PRRC2B: variants seen among roughly 807,000 people sequenced by gnomAD.
The protein encoded by PRRC2B is protein PRRC2B.
In PRRC2B, 68 loss-of-function variants were observed where a neutral mutation model predicts 242.3. The observed-to-expected ratio is 0.28, with a 90% CI of 0.23 to 0.34. PRRC2B has a LOEUF of 0.34. Among genes scored for constraint, PRRC2B ranks in the 10% least tolerant of loss-of-function variants. The probability of loss-of-function intolerance (pLI) is 1.00; values close to 1 mark genes in which losing one functional copy is unlikely to be tolerated. For synonymous variants in PRRC2B, 1,228 were observed against 1,173.6 expected, an observed-to-expected ratio of 1.05 and a Z score of -0.95; for missense variants, 2,835 against 2,954.8, an observed-to-expected ratio of 0.96 and a Z score of 0.94.
At position 131,496,238 on chromosome 9, in the gene PRRC2B, C is replaced by A; in HGVS notation, c.*364C>A. ...CAGCAGTGCTTCCGGCCCAGCCGCC[C>A]ATCCCTAGGCACAGTGATTTGGCAG... On this transcript the variant is annotated 3_prime_UTR_variant, in exon 32 of 32. Coordinates refer to ENST00000683519, the MANE Select transcript of PRRC2B (RefSeq NM_013318.4). 4.9e-6 allele frequency: 1 copy of A among 202,130 alleles called. No individual in the cohort carries two copies. The highest frequency in any genetic ancestry group is 9.9e-6 in the Non-Finnish European group (1 of 100,950). The allele number at this position is 202,130 out of a possible 1,614,324, so 12.5% of individuals were successfully genotyped here.
intron 1 of PRRC2B, among the ~76,000 whole-genome samples, chr9:131,426,026 T>G (rs191910472): frequency 6.8e-6 from 1 of 146,398 alleles, no homozygotes; most frequent in African/African-American, 2.5e-5. Flanking sequence ...AGAAAAAAAA[T>G]CACATTTGAT....
At chr9:131,468,471 T>C (rs1443774610) in intron 13 of PRRC2B, among the ~76,000 whole-genome samples, 4 of 152,334 alleles carry the variant, frequency 2.6e-5, no homozygotes, top group South Asian at 4.1e-4. Context: ...TTTTTATAAA[T>C]TTTAAAAGGG....
chr9:131,425,231 TC>T (rs1837946820), intron 1 of PRRC2B, among the ~76,000 whole-genome samples: 2 of 152,028 alleles, frequency 1.3e-5, no homozygotes, highest in Non-Finnish European at 2.9e-5. Context: ...GGTGATCCTC[TC>T]GCCTCGGCCT....
chr9:131,448,700 C>T (rs978141673), intron 9 of PRRC2B, among the ~76,000 whole-genome samples: 28 of 151,848 alleles, frequency 1.8e-4, no homozygotes, highest in African/African-American at 5.3e-4. Context: ...GAACTACACG[C>T]GGGTGCCACA....
intron 6 of PRRC2B, among the ~76,000 whole-genome samples, chr9:131,445,086 G>A (rs1370737001): frequency 1.3e-5 from 2 of 152,104 alleles, no homozygotes; most frequent in African/African-American, 4.8e-5. Context: ...GTAAGTCAGT[G>A]ATCACTGTGG....
intron 18 of PRRC2B, 30 bp downstream of exon 18, chr9:131,478,649 G>GCCCAGGGCC: frequency 2.0e-6 from 1 of 504,558 alleles, no homozygotes; most frequent in Non-Finnish European, 4.0e-6. Context: ...GGGGCATGGG[G>GCCCAGGGCC]CTGGAGGGCA....
intron 2 of PRRC2B, among the ~76,000 whole-genome samples, chr9:131,430,553 G>GTA (rs1328000215): frequency 1.2e-4 from 10 of 84,430 alleles, no homozygotes; most frequent in African/African-American, 4.1e-4. Flanking sequence ...ATCTATAGGT[G>GTA]TGTGTGTATG....
Position 131,420,499 on chromosome 9 carries a change from T to TC in PRRC2B, c.-51-9595_-51-9594insC, listed in dbSNP as rs889470295. On this transcript the variant is annotated intron_variant, in intron 1 of 31. Coordinates refer to ENST00000683519, the MANE Select transcript of PRRC2B (RefSeq NM_013318.4). ...TTTCTTTCTTTCTTTCTTTCTTTTT[T>TC]TTTTTTTTTTTGAGATGGAGGCTCC... Among the ~76,000 whole-genome samples the TC allele has an allele frequency of 9.4e-3, 788 of 83,866 alleles. 1 individual carries two copies. Among genetic ancestry groups the TC allele is most frequent in the Middle Eastern group, 0.011 (2 of 188 alleles). 55.0% of individuals were successfully genotyped at this position (83,866 alleles called of 152,430 possible). A position where few individuals can be genotyped will look rare whatever the true frequency, so the allele number is the denominator to read the frequency against.
At chr9:131,476,937 C>T (rs779855163) in intron 16 of PRRC2B, among the ~76,000 whole-genome samples, 38 of 152,340 alleles carry the variant, frequency 2.5e-4, no homozygotes, top group Non-Finnish European at 4.3e-4. Context: ...TCGCTGGCCT[C>T]GTGGCTGCAT....
Position 131,438,346 on chromosome 9 carries a change from T to C in PRRC2B, c.397-643T>C, listed in dbSNP as rs2966345. Among the ~76,000 whole-genome samples, 121 of 152,120 alleles carry C rather than the reference T, an allele frequency of 8.0e-4. No homozygotes were observed. In the East Asian group the frequency reaches 0.016, roughly 20 times the overall value. ...TCAGTCACTCTTCTCTGAGCCTCAG[T>C]GGGGGATGTGACTAGAGCCTTCTCA... On this transcript the variant is annotated intron_variant, in intron 4 of 31. Coordinates refer to ENST00000683519, the MANE Select transcript of PRRC2B (RefSeq NM_013318.4).
chr9:131,430,394 C>A (rs1588245474), intron 2 of PRRC2B, 135 bp downstream of exon 2: 2 of 562,364 alleles, frequency 3.6e-6, no homozygotes, highest in Non-Finnish European at 3.2e-6. Context: ...TAGAATCACT[C>A]TCTACTTCCT....
chr9:131,484,225 C>T (rs1943951661), intron 23 of PRRC2B, among the ~76,000 whole-genome samples: 1 of 152,208 alleles, frequency 6.6e-6, no homozygotes, highest in African/African-American at 2.4e-5. Context: ...CTGAGGGGCA[C>T]AGCCTTCCCT....
chr9:131,459,101 CA>C (rs1257151610), intron 10 of PRRC2B, 62 bp from the exon 11 acceptor site: 23 of 1,481,370 alleles, frequency 1.6e-5, no homozygotes, highest in Non-Finnish European at 2.1e-5. Flanking sequence ...GGCCTCTGAC[CA>C]GTGAGATCAG....
At chr9:131,406,891 T>C (rs1365046602) in intron 1 of PRRC2B, among the ~76,000 whole-genome samples, 1 of 152,206 alleles carries the variant, frequency 6.6e-6, no homozygotes, top group Non-Finnish European at 1.5e-5. Context: ...GCTGTTTCTT[T>C]ATAATATCAA....
intron 1 of PRRC2B, among the ~76,000 whole-genome samples, chr9:131,394,959 G>GTTT (rs1837003711): frequency 6.8e-6 from 1 of 146,820 alleles, no homozygotes; most frequent in Non-Finnish European, 1.5e-5. Flanking sequence ...TGCCAGATGG[G>GTTT]GTTTTTTTTT....
In PRRC2B at chr9:131,414,558, G is replaced by A. The variant is rs956483632; in HGVS notation, c.-51-15536G>A. On this transcript the variant is annotated intron_variant, in intron 1 of 31. Transcript: ENST00000683519. ...CTGTTGCCCCTCTGGCCCATGGTGCGGCTACCATCTTGGGCTTTTTTTTTT... is the reference window on the plus strand; with the variant it reads ...CTGTTGCCCCTCTGGCCCATGGTGCAGCTACCATCTTGGGCTTTTTTTTTT... 6.0e-5 allele frequency among the ~76,000 whole-genome samples: 9 copies of A among 149,882 alleles called. No homozygotes were observed. In the South Asian group the frequency reaches 6.5e-4, roughly 11 times the overall value.
intron 5 of PRRC2B, among the ~76,000 whole-genome samples, chr9:131,443,145 T>A (rs1022895422): frequency 1.3e-4 from 20 of 151,376 alleles, no homozygotes; most frequent in South Asian, 2.1e-4. Flanking sequence ...TATTATTTTT[T>A]TTTTTTGAGA....
In PRRC2B at chr9:131,434,156, C is replaced by T. The variant is rs181717511; in HGVS notation, c.293+1362C>T. 4.4e-3 allele frequency among the ~76,000 whole-genome samples: 665 copies of T among 152,256 alleles called. 3 individuals are homozygous for T. The highest frequency in any genetic ancestry group is 7.3e-3 in the Non-Finnish European group (497 of 68,014). On this transcript the variant is annotated intron_variant, in intron 3 of 31. Transcript: ENST00000683519. The stretch of plus-strand genomic sequence containing the variant: ...GGGCTAGCATAGGTCAAGTGCTTAG[C>T]CTAAACCTGGCACAGAGGAGGGGCA...
chr9:131,432,485 C>A, intron 2 of PRRC2B, 132 bp from the exon 3 acceptor site: 1 of 787,446 alleles, frequency 1.3e-6, no homozygotes, highest in Non-Finnish European at 2.0e-6. Context: ...CACTGCTGGT[C>A]TGCCCTTTGT....
Sources: gnomAD v4.1 joint callset for allele counts (sites outside exome capture counted in the v4.1 genomes callset) on GRCh38, gnomAD v4.1.1 for gene constraint, MANE v1.5 for transcripts, NCBI Gene and HGNC (gene_info 2026-07-23, HGNC 2026-07-21) for gene names.